The following SSX2IP variants were observed in gnomAD, a reference collection of about 807,000 sequenced individuals.
SSX2IP encodes the protein SSX family member 2 interacting protein.
SSX2IP carries 55 observed loss-of-function variants against 84.9 expected under a neutral mutation model. That is an observed-to-expected ratio of 0.65 (90% confidence interval 0.52 to 0.81). The LOEUF (loss-of-function observed/expected upper bound fraction) is 0.81. Ranked by LOEUF, SSX2IP falls within the 30% of genes least tolerant of loss-of-function variation. The pLI is 0.00. For missense variants in SSX2IP, 664 were observed against 705.2 expected, an observed-to-expected ratio of 0.94 and a Z score of 0.66; for synonymous variants, 239 against 234.7, an observed-to-expected ratio of 1.02 and a Z score of -0.17.
At chr1:84,661,197 T>A (rs79546102) in intron 8 of SSX2IP, among the ~76,000 whole-genome samples, 1 of 151,590 alleles carries the variant, frequency 6.6e-6, no homozygotes, top group African/African-American at 2.4e-5. Flanking sequence ...AATCCTCAAA[T>A]ACAGGTTTAA....
At position 84,681,192 on chromosome 1, in the gene SSX2IP, A is replaced by G. The variant is rs186420372; in HGVS notation, c.-90+9179T>C. 1.9e-3 allele frequency among the ~76,000 whole-genome samples: 288 copies of G among 152,344 alleles called. 1 individual carries two copies. Among genetic ancestry groups the G allele is most frequent in the South Asian group, 2.5e-3 (12 of 4,828 alleles). On this transcript the variant is annotated intron_variant, in intron 1 of 13. Coordinates refer to ENST00000342203, the MANE Select transcript of SSX2IP (RefSeq NM_001166293.2). ...TTTGAAATGTGTAAATCTTTCCACT[A>G]AACAATCATACTTCTAGGCATATAA...
rs1364617867 is a variant in SSX2IP at position 84,670,759 on chromosome 1, A to G, written c.100T>C (p.Tyr34His). 1.2e-6 allele frequency: 2 copies of G among 1,612,980 alleles called. No individual in the cohort carries two copies. Among genetic ancestry groups the G allele is most frequent in the East Asian group, 2.2e-5 (1 of 44,804 alleles). ...GAAGAACATAGCACTTGCTGTGAGT[A>G]TAAACTTGATGGAGACATCTTTGTT... is the stretch of plus-strand genomic sequence containing the variant. ...SETKMSPSSL[Y>H]SQQVLCSSIP... Residue 34 changes from tyrosine to histidine, a missense_variant, in exon 3 of 14, where the codon TAC becomes CAC. Coordinates refer to ENST00000342203, the MANE Select transcript of SSX2IP (RefSeq NM_001166293.2).
At position 84,655,869 on chromosome 1, in the gene SSX2IP, C is replaced by T. The variant is rs748362670; in HGVS notation, c.1352G>A (p.Arg451Gln). Residue 451 changes from arginine (R) to glutamine (Q), a missense_variant, in exon 11 of 14, where the codon CGA (arginine) becomes CAA (glutamine). By Grantham distance (43) the Arg-to-Gln change is conservative. Transcript: ENST00000342203. ...EQKKNFERER[R>Q]SFTEAAIRLG... The stretch of plus-strand genomic sequence containing the variant: ...GCGAATAGCGGCTTCTGTAAAGCTT[C>T]GTCTCTCCCTCTCAAAATTCTTTTT... The T allele has an allele frequency of 1.5e-5, 24 of 1,613,814 alleles. No individual in the cohort carries two copies. The Admixed American group carries it at 3.0e-4, about 20-fold the overall frequency.
chr1:84,662,069 A>G (rs1652070442), intron 8 of SSX2IP, 129 bp downstream of exon 8: 2 of 612,144 alleles, frequency 3.3e-6, no homozygotes, highest in Non-Finnish European at 5.6e-6. Context: ...ACAGTAATTG[A>G]AAGTAGCATA....
chr1:84,688,782 A>G (rs1041199907), intron 1 of SSX2IP, among the ~76,000 whole-genome samples: 2 of 152,226 alleles, frequency 1.3e-5, no homozygotes, highest in African/African-American at 4.8e-5. Context: ...ATCCTAGAAT[A>G]ACTAAGTCTT....
rs772208576 is a variant in SSX2IP at position 84,655,872 on chromosome 1, C to T, written c.1349G>A (p.Arg450Lys). Residue 450 changes from arginine (R) to lysine (K), a missense_variant, in exon 11 of 14, where the codon AGA (arginine) becomes AAA (lysine). By Grantham distance (26) the Arg-to-Lys change is conservative. Transcript: ENST00000342203. ...AATAGCGGCTTCTGTAAAGCTTCGT[C>T]TCTCCCTCTCAAAATTCTTTTTCTG... is the stretch of plus-strand genomic sequence containing the variant. Reference protein sequence around the residue: ...KEQKKNFERERRSFTEAAIRL... With the variant: ...KEQKKNFEREKRSFTEAAIRL... 6.2e-7 allele frequency: 1 copy of T among 1,613,984 alleles called. No homozygotes were observed. The highest frequency in any genetic ancestry group is 8.5e-7 in the Non-Finnish European group (1 of 1,179,886).
chr1:84,656,242 T>G lies in SSX2IP; in HGVS notation c.1215+106A>C. ...TAGCAGGGAACACAGACTAGAAATC[T>G]GTCAAATACCAGGGCCTTATGAAAT... On this transcript the variant is annotated intron_variant, in intron 10 of 13. Coordinates refer to ENST00000342203, the MANE Select transcript of SSX2IP (RefSeq NM_001166293.2). 2.5e-6 allele frequency: 3 copies of G among 1,190,350 alleles called. No individual in the cohort carries two copies. In the South Asian group the frequency reaches 4.7e-5, roughly 19 times the overall value. 73.7% of individuals were successfully genotyped at this position (1,190,350 alleles called of 1,614,324 possible).
chr1:84,647,597 C>A lies in SSX2IP; in HGVS notation c.1681G>T (p.Val561Leu), dbSNP rs765991575. Reference protein sequence around the residue: ...SCISEHSSINVLNITAEEIKP... With the variant: ...SCISEHSSINLLNITAEEIKP... ...ATTTCTTCAGCAGTTATATTCAGTA[C>A]ATTGATTGAACTGTTGGGAAAAGAA... Residue 561 changes from valine to leucine, a missense_variant, in exon 14 of 14, where the codon GTA becomes TTA. By Grantham distance (32) the Val-to-Leu change is conservative (BLOSUM62 1). Coordinates refer to ENST00000342203, the MANE Select transcript of SSX2IP (RefSeq NM_001166293.2). 1 of 1,595,730 alleles carries A rather than the reference C, an allele frequency of 6.3e-7. No individual in the cohort carries two copies. Among genetic ancestry groups the A allele is most frequent in the Non-Finnish European group, 8.5e-7 (1 of 1,170,116 alleles).
At chr1:84,648,473 ACATT>A (rs974486625) in intron 13 of SSX2IP, among the ~76,000 whole-genome samples, 87 of 152,350 alleles carry the variant, frequency 5.7e-4, no homozygotes, top group African/African-American at 2.0e-3. Flanking sequence ...TGCTTTACAT[ACATT>A]AACATTTAAC....
At chr1:84,678,207 A>G (rs567426662) in intron 1 of SSX2IP, among the ~76,000 whole-genome samples, 2 of 152,270 alleles carry the variant, frequency 1.3e-5, no homozygotes, top group East Asian at 3.9e-4. Context: ...TGTCTTCCCG[A>G]CTAGTTTATG....
rs1397052919 is a variant in SSX2IP, at chr1:84,644,312, T to C, written c.*3121A>G. On this transcript the variant is annotated 3_prime_UTR_variant, in exon 14 of 14. Coordinates refer to ENST00000342203, the MANE Select transcript of SSX2IP (RefSeq NM_001166293.2). ...GTCCGTAGCATCCACCATTGTTTATTACAATGTAGGTTTAATAGTTGGCCT... is the reference window on the plus strand; with the variant it reads ...GTCCGTAGCATCCACCATTGTTTATCACAATGTAGGTTTAATAGTTGGCCT... 2.0e-5 allele frequency: 3 copies of C among 152,234 alleles called. No homozygotes were observed. The highest frequency in any genetic ancestry group is 4.8e-5 in the African/African-American group (2 of 41,450). The allele number at this position is 152,234 out of a possible 1,614,324, so 9.4% of individuals were successfully genotyped here. A position where few individuals can be genotyped will look rare whatever the true frequency, so the allele number is the denominator to read the frequency against.
intron 1 of SSX2IP, among the ~76,000 whole-genome samples, chr1:84,672,128 C>T (rs1653663621): frequency 6.6e-6 from 1 of 151,992 alleles, no homozygotes; most frequent in Non-Finnish European, 1.5e-5. Context: ...TTTATAGAGA[C>T]AATGGAAGAG....
At position 84,678,967 on chromosome 1, in the gene SSX2IP, G is replaced by A. The variant is rs529892351; in HGVS notation, c.-89-7659C>T. 1.4e-3 allele frequency among the ~76,000 whole-genome samples: 219 copies of A among 152,234 alleles called. 1 individual carries two copies. Among genetic ancestry groups the A allele is most frequent in the Middle Eastern group, 3.4e-3 (1 of 294 alleles). On this transcript the variant is annotated intron_variant, in intron 1 of 13. Coordinates refer to ENST00000342203, the MANE Select transcript of SSX2IP (RefSeq NM_001166293.2). ...GGGACATGGTAACTTTACACCATCTGGGCTTCTAAATATTGCACAGAATTT... is the reference window on the plus strand; with the variant it reads ...GGGACATGGTAACTTTACACCATCTAGGCTTCTAAATATTGCACAGAATTT...
intron 1 of SSX2IP, among the ~76,000 whole-genome samples, chr1:84,688,322 C>T (rs1426376416): frequency 6.6e-6 from 1 of 152,136 alleles, no homozygotes; most frequent in Non-Finnish European, 1.5e-5. Flanking sequence ...CAAAACAAAC[C>T]CACATCGTAT....
rs762971939 is a variant in SSX2IP at position 84,647,455 on chromosome 1, A to G, written c.1823T>C (p.Val608Ala). The G allele has an allele frequency of 2.0e-5, 32 of 1,604,068 alleles. No homozygotes were observed. Among genetic ancestry groups the G allele is most frequent in the Non-Finnish European group, 2.6e-5 (31 of 1,175,562 alleles). ...GCSLSYTNSH[V>A]EKDDLP ...TGTCTAAGGTAAGTCATCTTTTTCTACATGAGAATTTGTGTAGCTCAAGGA... is the reference window on the plus strand; with the variant it reads ...TGTCTAAGGTAAGTCATCTTTTTCTGCATGAGAATTTGTGTAGCTCAAGGA... The change falls in exon 14 of 14, where the codon GTA (valine) becomes GCA (alanine). Residue 608 changes from valine (V) to alanine (A), a missense_variant. Coordinates refer to ENST00000342203, the MANE Select transcript of SSX2IP (RefSeq NM_001166293.2).
intron 1 of SSX2IP, among the ~76,000 whole-genome samples, chr1:84,678,078 C>T (rs1654613883): frequency 6.6e-6 from 1 of 152,086 alleles, no homozygotes; most frequent in Non-Finnish European, 1.5e-5. Context: ...AAACTTAAAC[C>T]ATAATTTACT....
chr1:84,659,667 G>C (rs994518099), intron 8 of SSX2IP, among the ~76,000 whole-genome samples: 1 of 151,748 alleles, frequency 6.6e-6, no homozygotes, highest in African/African-American at 2.4e-5. Flanking sequence ...GCGTGGTGGT[G>C]CATGCCTGTA....
chr1:84,672,182 G>T (rs75693273), intron 1 of SSX2IP, among the ~76,000 whole-genome samples: 1 of 152,118 alleles, frequency 6.6e-6, no homozygotes, highest in South Asian at 2.1e-4. Flanking sequence ...AAATGAAATT[G>T]TAAGTGGCAA....
chr1:84,680,661 A>C (rs969648294), intron 1 of SSX2IP, among the ~76,000 whole-genome samples: 4 of 152,148 alleles, frequency 2.6e-5, no homozygotes, highest in East Asian at 1.9e-4. Flanking sequence ...GGAAAAAAAA[A>C]CAAATATCAG....
Sources: allele counts gnomAD v4.1 joint callset (sites outside exome capture counted in the v4.1 genomes callset), GRCh38; gene constraint gnomAD v4.1.1; transcripts MANE v1.5; gene names NCBI Gene and HGNC (gene_info 2026-07-23, HGNC 2026-07-21).